The following ADGRE1 variants were observed in gnomAD, a reference collection of about 807,000 sequenced individuals.
The protein encoded by ADGRE1 is EGF-like module receptor 1.
A neutral mutation model predicts 102.7 loss-of-function variants in ADGRE1; 82 were observed. The observed-to-expected ratio is 0.80, with a 90% CI of 0.67 to 0.96. The LOEUF (loss-of-function observed/expected upper bound fraction) is 0.96, where lower values mean the gene tolerates loss of function less well. Ranked by LOEUF, ADGRE1 falls within the 40% of genes least tolerant of loss-of-function variation. The pLI, the probability that ADGRE1 is intolerant of heterozygous loss-of-function variation, is 0.00. For synonymous variants in ADGRE1, 398 were observed against 399.6 expected, an observed-to-expected ratio of 1.00 and a Z score of 0.05; for missense variants, 1,032 against 1,085.3, an observed-to-expected ratio of 0.95 and a Z score of 0.69.
chr19:6,903,891 C>T lies in ADGRE1; in HGVS notation c.743C>T (p.Pro248Leu), dbSNP rs201359815. 80 of 1,614,216 alleles carry T rather than the reference C, an allele frequency of 5.0e-5. No individual in the cohort carries two copies. The East Asian group carries it at 1.6e-3, about 33-fold the overall frequency. ...TPGSYFCTCH[P>L]GFAPSNGQLN... ...GGGAGCTACTTTTGCACCTGCCACC[C>T]TGGCTTTGCACCAAGCAATGGACAG... The change falls in exon 7 of 21, where the codon CCT becomes CTT. Residue 248 changes from proline (P) to leucine (L), a missense_variant. By Grantham distance (98) the Pro-to-Leu change is moderately conservative. Coordinates refer to ENST00000312053, the MANE Select transcript of ADGRE1 (RefSeq NM_001974.5).
chr19:6,926,670 C>G, intron 16 of ADGRE1, 69 bp downstream of exon 16: 1 of 1,488,698 alleles, frequency 6.7e-7, no homozygotes, highest in South Asian at 1.1e-5. Context: ...ACATGAGCAA[C>G]AAGAAGAGTA....
At chr19:6,937,956 TTA>T (rs1291954099) in intron 20 of ADGRE1, among the ~76,000 whole-genome samples, 1 of 151,460 alleles carries the variant, frequency 6.6e-6, no homozygotes, top group Non-Finnish European at 1.5e-5. Flanking sequence ...TATTTATATG[TTA>T]TGTTTATAAA....
At chr19:6,922,612 TCACA>T (rs770150909) in intron 14 of ADGRE1, among the ~76,000 whole-genome samples, 3,028 of 123,040 alleles carry the variant, frequency 0.025, 48 homozygotes, top group African/African-American at 0.038. Flanking sequence ...AGACTCTGTC[TCACA>T]CACACACACA....
intron 9 of ADGRE1, among the ~76,000 whole-genome samples, chr19:6,906,891 A>G (rs1471271703): frequency 6.6e-6 from 1 of 152,236 alleles, no homozygotes; most frequent in Non-Finnish European, 1.5e-5. Context: ...AATTAGTCAC[A>G]TGGTCCCACC....
chr19:6,887,943 A>C (rs911249924), intron 1 of ADGRE1, among the ~76,000 whole-genome samples: 9 of 152,308 alleles, frequency 5.9e-5, no homozygotes, highest in African/African-American at 1.9e-4. Flanking sequence ...CTTGAGGCTG[A>C]TATTCTAGTG....
At position 6,926,554 on chromosome 19, in the gene ADGRE1, G is replaced by A. The variant is rs755162449; in HGVS notation, c.2175G>A (p.Val725=). 6.8e-6 allele frequency: 11 copies of A among 1,614,110 alleles called. No homozygotes were observed. Among genetic ancestry groups the A allele is most frequent in the Non-Finnish European group, 9.3e-6 (11 of 1,180,054 alleles). The change falls in exon 16 of 21, where the codon GTG becomes GTA. Residue 725 remains valine (V), a synonymous_variant. Coordinates refer to ENST00000312053, the MANE Select transcript of ADGRE1 (RefSeq NM_001974.5). ...GTTATGGGCTGCCGATGCTGGTGGT[G>A]GTGATCTCTGCCAGTGTGCAGCCAC... ...AFGYGLPMLV[V]VISASVQPQG...
Position 6,896,796 on chromosome 19 carries a change from C to A in ADGRE1, c.238+255C>A. On this transcript the variant is annotated intron_variant, in intron 3 of 20. Coordinates refer to ENST00000312053, the MANE Select transcript of ADGRE1 (RefSeq NM_001974.5). ...TCTTCCTTCCTTCCTTCCTTCCTTG[C>A]TACTTCCCCACCCTTCCTCTCTTTG... The A allele has an allele frequency of 1.2e-5, 6 of 521,290 alleles. 1 individual carries two copies. In the South Asian group the frequency reaches 1.7e-4, roughly 14 times the overall value. The allele number at this position is 521,290 out of a possible 1,614,324, so 32.3% of individuals were successfully genotyped here.
chr19:6,915,021 C>A (rs1377434230), intron 11 of ADGRE1, among the ~76,000 whole-genome samples: 1 of 124,856 alleles, frequency 8.0e-6, no homozygotes, highest in Non-Finnish European at 1.8e-5. Context: ...TTTTTTTTTT[C>A]TTGAGACAGG....
chr19:6,906,391 T>C, intron 8 of ADGRE1, 42 bp from the exon 9 acceptor site: 3 of 1,540,056 alleles, frequency 1.9e-6, no homozygotes, highest in Non-Finnish European at 8.9e-7. Flanking sequence ...CTTATTTTGC[T>C]GAGGTTGAAG....
chr19:6,900,516 ATTCCT>A (rs1973727757), intron 5 of ADGRE1, among the ~76,000 whole-genome samples: 1 of 152,100 alleles, frequency 6.6e-6, no homozygotes, highest in African/African-American at 2.4e-5. Context: ...TATGTGTTGA[ATTCCT>A]CCACTGTTTT....
chr19:6,888,034 T>C (rs1973211578), intron 1 of ADGRE1, among the ~76,000 whole-genome samples: 1 of 152,214 alleles, frequency 6.6e-6, no homozygotes, highest in Non-Finnish European at 1.5e-5. Flanking sequence ...ATAGAGTGTA[T>C]CCAATTGTCA....
intron 16 of ADGRE1, 81 bp from the exon 17 acceptor site, chr19:6,928,064 C>T: frequency 6.6e-7 from 1 of 1,513,246 alleles, no homozygotes; most frequent in South Asian, 1.3e-5. Flanking sequence ...TTCTCCTCCA[C>T]TAGGGCATTT....
At chr19:6,919,817 A>T in intron 13 of ADGRE1, 70 bp downstream of exon 13, 1 of 1,484,936 alleles carries the variant, frequency 6.7e-7, no homozygotes, top group Non-Finnish European at 9.3e-7. Flanking sequence ...GATTGCCTTA[A>T]CTCTCATTTT....
At chr19:6,904,584 C>T (rs1359693376) in intron 8 of ADGRE1, among the ~76,000 whole-genome samples, 1 of 150,748 alleles carries the variant, frequency 6.6e-6, no homozygotes, top group Non-Finnish European at 1.5e-5. Context: ...TGGCTCACTG[C>T]AAGCTCCACC....
At chr19:6,887,703 T>A in intron 1 of ADGRE1, 64 bp downstream of exon 1, 4 of 1,552,082 alleles carry the variant, frequency 2.6e-6, no homozygotes, top group Non-Finnish European at 3.5e-6. Flanking sequence ...TCAGGAGAAA[T>A]GGGAGGGCCA....
rs11882027 is a variant in ADGRE1 at position 6,939,596 on chromosome 19, C to T, written c.2656-428C>T. Among the ~76,000 whole-genome samples, 1,054 of 152,216 alleles carry T rather than the reference C, an allele frequency of 6.9e-3. 22 individuals carry two copies. Among genetic ancestry groups the T allele is most frequent in the African/African-American group, 0.024 (1,003 of 41,526 alleles). On this transcript the variant is annotated intron_variant, in intron 20 of 20. Transcript: ENST00000312053. The stretch of plus-strand genomic sequence containing the variant: ...CATGGTTGCAATATGGTTGCCACAG[C>T]TCCAGACATCATGACTATGTTCAAG...
chr19:6,914,733 T>C (rs527750918), intron 11 of ADGRE1, among the ~76,000 whole-genome samples: 1 of 152,310 alleles, frequency 6.6e-6, no homozygotes, highest in East Asian at 1.9e-4. Context: ...GAGGTAGCAC[T>C]ATTGAGAAAA....
intron 17 of ADGRE1, among the ~76,000 whole-genome samples, chr19:6,929,185 CA>C (rs1975042346): frequency 6.6e-6 from 1 of 152,100 alleles, no homozygotes; most frequent in Non-Finnish European, 1.5e-5. Flanking sequence ...CACAGACACA[CA>C]CAAGGAGTGA....
intron 13 of ADGRE1, among the ~76,000 whole-genome samples, chr19:6,920,837 G>A (rs895846071): frequency 6.6e-6 from 1 of 152,056 alleles, no homozygotes. Context: ...AAAGCATGTT[G>A]TTCTTAAACT....
Sources: gnomAD v4.1 joint callset for allele counts (sites outside exome capture counted in the v4.1 genomes callset) on GRCh38, gnomAD v4.1.1 for gene constraint, MANE v1.5 for transcripts, NCBI Gene and HGNC (gene_info 2026-07-23, HGNC 2026-07-21) for gene names.